LY6G6F: variants seen among roughly 807,000 people sequenced by gnomAD.
The protein encoded by LY6G6F is lymphocyte antigen 6 family member G6F, also known as lymphocyte antigen 6 complex locus protein G6f.
A neutral mutation model predicts 33.0 loss-of-function variants in LY6G6F; 26 were observed. That is an observed-to-expected ratio of 0.79 (90% CI 0.58 to 1.09). The LOEUF (loss-of-function observed/expected upper bound fraction) is 1.09. Ranked by LOEUF, LY6G6F falls within the 50% of genes least tolerant of loss-of-function variation. The pLI is 0.00. For missense variants in LY6G6F, 317 were observed against 372.0 expected (o/e 0.85, Z 1.22); for synonymous variants, 132 against 148.1 (o/e 0.89, Z 0.79).
rs145511375 is a variant in LY6G6F at position 31,707,243 on chromosome 6, C to T, written c.53-215C>T. ...AACTTTCAGCCTTTTCCCTCTTGCC[C>T]TCAGACCCCCTCACTGGCTGGGGGA... On this transcript the variant is annotated intron_variant, in intron 1 of 5. Transcript: ENST00000375832. The surrounding 1 kb of genome is among the most constrained non-coding windows in gnomAD (Gnocchi z 4.1). Among the ~76,000 whole-genome samples the T allele has an allele frequency of 6.6e-6, 1 of 152,302 alleles. No homozygotes were observed. The highest frequency in any genetic ancestry group is 1.5e-5 in the Non-Finnish European group (1 of 68,022).
rs1460841894 is a variant in LY6G6F, at chr6:31,707,166, G to A, written c.52+208G>A. 6.6e-6 allele frequency among the ~76,000 whole-genome samples: 1 copy of A among 152,234 alleles called. No homozygotes were observed. The highest frequency in any genetic ancestry group is 1.5e-5 in the Non-Finnish European group (1 of 68,042). ...TTCCTTTATAAAATAAGAAGAATGA[G>A]TAAATGCTTCCAGAAAAGTAGAAAT... is the stretch of plus-strand genomic sequence containing the variant. On this transcript the variant is annotated intron_variant, in intron 1 of 5. Coordinates refer to ENST00000375832, the MANE Select transcript of LY6G6F (RefSeq NM_001003693.3). The surrounding 1 kb of genome is among the most constrained non-coding windows in gnomAD (Gnocchi z 4.1).
Position 31,707,734 on chromosome 6 carries a change from G to A in LY6G6F, c.329G>A (p.Gly110Asp). 1 of 1,614,202 alleles carries A rather than the reference G, an allele frequency of 6.2e-7. No individual in the cohort carries two copies. Among genetic ancestry groups the A allele is most frequent in the Non-Finnish European group, 8.5e-7 (1 of 1,180,024 alleles). Reference protein sequence around the residue: ...DAGRYWCAVLGQHHNYQNWRV... With the variant: ...DAGRYWCAVLDQHHNYQNWRV... ...GGGCGGTACTGGTGCGCTGTGCTAG[G>A]TCAGCACCACAACTACCAGAACTGG... is the stretch of plus-strand genomic sequence containing the variant. Residue 110 changes from glycine to aspartate, a missense_variant, in exon 2 of 6, where the codon GGT becomes GAT. Coordinates refer to ENST00000375832, the MANE Select transcript of LY6G6F (RefSeq NM_001003693.3). The surrounding 1 kb of genome is among the most constrained non-coding windows in gnomAD (Gnocchi z 4.1).
rs894837085 is a variant in LY6G6F at position 31,707,585 on chromosome 6, C to G, written c.180C>G (p.Thr60=). Residue 60 remains threonine (T), a synonymous_variant, in exon 2 of 6, where the codon ACC becomes ACG. Coordinates refer to ENST00000375832, the MANE Select transcript of LY6G6F (RefSeq NM_001003693.3). This position sits in a 1 kb window ranked among gnomAD's most constrained non-coding sequence, Gnocchi z 4.1. ...FCSPAAGSFT[T]LVAQVQVGRP... The stretch of plus-strand genomic sequence containing the variant: ...GCCCTGCAGCAGGCTCCTTCACCAC[C>G]CTGGTAGCCCAAGTCCAAGTGGGCA... The G allele has an allele frequency of 1.2e-6, 2 of 1,613,936 alleles. No individual in the cohort carries two copies. Among genetic ancestry groups the G allele is most frequent in the Non-Finnish European group, 1.7e-6 (2 of 1,179,914 alleles).
rs1322206979 is a variant in LY6G6F, at chr6:31,710,190, C to T, written c.802+9C>T. 5 of 1,609,354 alleles carry T rather than the reference C, an allele frequency of 3.1e-6. No homozygotes were observed. The highest frequency in any genetic ancestry group is 4.2e-6 in the Non-Finnish European group (5 of 1,177,310). On this transcript the variant is annotated intron_variant, in intron 4 of 5. Coordinates refer to ENST00000375832, the MANE Select transcript of LY6G6F (RefSeq NM_001003693.3). This position sits in a 1 kb window ranked among gnomAD's most constrained non-coding sequence, Gnocchi z 4.7. Reference sequence around the variant, plus strand: ...TGGGGCTCCAGGCAGAGGTGAGTCCCTCCCTCCCCGGGGAAAGAAGAGGGC... The same window carrying T: ...TGGGGCTCCAGGCAGAGGTGAGTCCTTCCCTCCCCGGGGAAAGAAGAGGGC...
At chr6:31,709,953 C>G (rs1805903151) in intron 3 of LY6G6F, 73 bp from the exon 4 acceptor site, 1 of 1,470,112 alleles carries the variant, frequency 6.8e-7, no homozygotes, top group Non-Finnish European at 9.2e-7. Context: ...GGAGGGGAAG[C>G]CTCTCTTTGG....
chr6:31,710,436 A>C lies in LY6G6F; in HGVS notation c.869+18A>C. 1 of 1,614,148 alleles carries C rather than the reference A, an allele frequency of 6.2e-7. No individual in the cohort carries two copies. Among genetic ancestry groups the C allele is most frequent in the Non-Finnish European group, 8.5e-7 (1 of 1,180,006 alleles). On this transcript the variant is annotated intron_variant, in intron 5 of 5. Coordinates refer to ENST00000375832, the MANE Select transcript of LY6G6F (RefSeq NM_001003693.3). This position sits in a 1 kb window ranked among gnomAD's most constrained non-coding sequence, Gnocchi z 4.7. Reference sequence around the variant, plus strand: ...CGTCTTGGGTGAGGAACAGCTAGGGAACAGAGGCTTAAATCCTGGAGGGGA... The same window carrying C: ...CGTCTTGGGTGAGGAACAGCTAGGGCACAGAGGCTTAAATCCTGGAGGGGA...
chr6:31,708,450 G>A (rs931781236), intron 3 of LY6G6F, among the ~76,000 whole-genome samples: 31 of 152,140 alleles, frequency 2.0e-4, no homozygotes, highest in African/African-American at 7.2e-4. Flanking sequence ...GTCTCCCAAA[G>A]TGCTGGGGTT....
At chr6:31,708,195 A>AG in intron 3 of LY6G6F, 61 bp downstream of exon 3, 1 of 1,498,812 alleles carries the variant, frequency 6.7e-7, no homozygotes. Context: ...AAGTAGCTGG[A>AG]ATTACAGGCG....
At position 31,707,292 on chromosome 6, in the gene LY6G6F, C is replaced by T. The variant is rs1163672837; in HGVS notation, c.53-166C>T. Reference sequence around the variant, plus strand: ...GAGAGAGGAGGAAAGCCCTTACCCTCTTCTCTCCACCTGTCTTATTTTTGT... The same window carrying T: ...GAGAGAGGAGGAAAGCCCTTACCCTTTTCTCTCCACCTGTCTTATTTTTGT... On this transcript the variant is annotated intron_variant, in intron 1 of 5. Coordinates refer to ENST00000375832, the MANE Select transcript of LY6G6F (RefSeq NM_001003693.3). This position sits in a 1 kb window ranked among gnomAD's most constrained non-coding sequence, Gnocchi z 4.1. Among the ~76,000 whole-genome samples, 1 of 152,236 alleles carries T rather than the reference C, an allele frequency of 6.6e-6. No individual in the cohort carries two copies. The highest frequency in any genetic ancestry group is 1.5e-5 in the Non-Finnish European group (1 of 68,044).
chr6:31,707,369 C>T lies in LY6G6F; in HGVS notation c.53-89C>T. The T allele has an allele frequency of 1.6e-6, 2 of 1,257,770 alleles. No homozygotes were observed. Among genetic ancestry groups the T allele is most frequent in the South Asian group, 2.8e-5 (2 of 72,650 alleles). The allele number at this position is 1,257,770 out of a possible 1,614,324, so 77.9% of individuals were successfully genotyped here. A position where few individuals can be genotyped will look rare whatever the true frequency, so the allele number is the denominator to read the frequency against. On this transcript the variant is annotated intron_variant, in intron 1 of 5. Transcript: ENST00000375832. This position sits in a 1 kb window ranked among gnomAD's most constrained non-coding sequence, Gnocchi z 4.1. Reference sequence around the variant, plus strand: ...CAGCCAGGCCTGTGCTGGGGGACCCCAGAAGGGAAGGAAGCCAGGGTTGAA... The same window carrying T: ...CAGCCAGGCCTGTGCTGGGGGACCCTAGAAGGGAAGGAAGCCAGGGTTGAA...
chr6:31,707,024 C>A lies in LY6G6F; in HGVS notation c.52+66C>A. Reference sequence around the variant, plus strand: ...GGTTGGGGAGGGACTACTGCTCTTTCTCCTAGGAGCCTGGCGAAGGCATCT... The same window carrying A: ...GGTTGGGGAGGGACTACTGCTCTTTATCCTAGGAGCCTGGCGAAGGCATCT... On this transcript the variant is annotated intron_variant, in intron 1 of 5. Transcript: ENST00000375832. The surrounding 1 kb of genome is among the most constrained non-coding windows in gnomAD (Gnocchi z 4.1). 2 of 1,529,244 alleles carry A rather than the reference C, an allele frequency of 1.3e-6. No homozygotes were observed. The highest frequency in any genetic ancestry group is 1.8e-6 in the Non-Finnish European group (2 of 1,102,978). 94.7% of individuals were successfully genotyped at this position (1,529,244 alleles called of 1,614,324 possible). A position where few individuals can be genotyped will look rare whatever the true frequency, so the allele number is the denominator to read the frequency against.
In LY6G6F at chr6:31,707,908, C is replaced by T. The variant is rs1224148942; in HGVS notation, c.420C>T (p.Pro140=). The T allele has an allele frequency of 6.2e-7, 1 of 1,613,554 alleles. No individual in the cohort carries two copies. The highest frequency in any genetic ancestry group is 8.5e-7 in the Non-Finnish European group (1 of 1,179,972). The part of the protein sequence containing the change: ...QLSARAADGS[P]CNVLLCSVVP... ...CTGCAAGGGCTGCAGATGGATCCCC[C>T]TGCAATGTCCTCCTGTGCTCTGTGG... Residue 140 remains proline, a synonymous_variant, in exon 3 of 6, where the codon CCC becomes CCT. Coordinates refer to ENST00000375832, the MANE Select transcript of LY6G6F (RefSeq NM_001003693.3). This position sits in a 1 kb window ranked among gnomAD's most constrained non-coding sequence, Gnocchi z 4.1.
At position 31,707,978 on chromosome 6, in the gene LY6G6F, G is replaced by C. The variant is rs750378885; in HGVS notation, c.490G>C (p.Gly164Arg). ...MDSVTWQEGK[G>R]PVRGRVQSFW... ...CTCTGTGACCTGGCAGGAAGGGAAG[G>C]GTCCCGTGAGGGGCCGTGTTCAGTC... Residue 164 changes from glycine (G) to arginine (R), a missense_variant, in exon 3 of 6, where the codon GGT becomes CGT. Transcript: ENST00000375832. This position sits in a 1 kb window ranked among gnomAD's most constrained non-coding sequence, Gnocchi z 4.1. The C allele has an allele frequency of 6.2e-7, 1 of 1,613,112 alleles. No individual in the cohort carries two copies. The highest frequency in any genetic ancestry group is 1.3e-5 in the African/African-American group (1 of 75,046).
chr6:31,710,586 A>G lies in LY6G6F; in HGVS notation c.889A>G (p.Arg297Gly). The change falls in exon 6 of 6, where the codon AGG (arginine) becomes GGG (glycine). Residue 297 changes from arginine (R) to glycine (G), a missense_variant. Transcript: ENST00000375832. The surrounding 1 kb of genome is among the most constrained non-coding windows in gnomAD (Gnocchi z 4.7). ...ARLGPPAHKPR is the reference protein window; with the variant it reads ...ARLGPPAHKPG The stretch of plus-strand genomic sequence containing the variant: ...CCACAGCCCACCTGCCCACAAGCCC[A>G]GGTGATTTTGGTGACATCTGCTGGG... The G allele has an allele frequency of 3.1e-6, 5 of 1,614,098 alleles. No homozygotes were observed. Among genetic ancestry groups the G allele is most frequent in the Non-Finnish European group, 4.2e-6 (5 of 1,180,014 alleles).
Position 31,706,901 on chromosome 6 carries a change from C to G in LY6G6F, c.-6C>G. The G allele has an allele frequency of 6.2e-7, 1 of 1,614,130 alleles. No homozygotes were observed. The highest frequency in any genetic ancestry group is 8.5e-7 in the Non-Finnish European group (1 of 1,180,010). On this transcript the variant is annotated 5_prime_UTR_variant, in exon 1 of 6. Transcript: ENST00000375832. ...TTGGAGCAAGAGAACTTGGCAGGCT[C>G]TCCCCATGGCAGTCTTATTCCTCCT...
chr6:31,710,031 A>G lies in LY6G6F; in HGVS notation c.652A>G (p.Ile218Val). 6.2e-7 allele frequency: 1 copy of G among 1,612,046 alleles called. No individual in the cohort carries two copies. The highest frequency in any genetic ancestry group is 8.5e-7 in the Non-Finnish European group (1 of 1,179,452). ...TGGTCTGGCCCTTACTACAGCCTCC[A>G]TCGATGCTTCTCCTGCCCTCTGTGC... ...KGVSFSLAAS[I>V]DASPALCAPS... The change falls in exon 4 of 6, where the codon ATC becomes GTC. Residue 218 changes from isoleucine to valine, a missense_variant. Transcript: ENST00000375832. The surrounding 1 kb of genome is among the most constrained non-coding windows in gnomAD (Gnocchi z 4.7).
Position 31,710,302 on chromosome 6 carries a change from A to G in LY6G6F, c.803-50A>G. The G allele has an allele frequency of 6.2e-7, 1 of 1,613,114 alleles. No individual in the cohort carries two copies. The highest frequency in any genetic ancestry group is 1.1e-5 in the South Asian group (1 of 91,076). On this transcript the variant is annotated intron_variant, in intron 4 of 5. Transcript: ENST00000375832. The surrounding 1 kb of genome is among the most constrained non-coding windows in gnomAD (Gnocchi z 4.7). Reference sequence around the variant, plus strand: ...GGAGGGGGCGAGGAACACGGCTCTAAGTTGTCTGCTGACTTCTCTTCTGTA... The same window carrying G: ...GGAGGGGGCGAGGAACACGGCTCTAGGTTGTCTGCTGACTTCTCTTCTGTA...
chr6:31,708,179 C>T (rs1751866951), intron 3 of LY6G6F, 45 bp downstream of exon 3: 2 of 1,503,958 alleles, frequency 1.3e-6, no homozygotes, highest in African/African-American at 1.4e-5. Flanking sequence ...TTCACTTCAG[C>T]CTCCCAAGTA....
Position 31,706,956 on chromosome 6 carries a change from C to G in LY6G6F, c.50C>G (p.Ala17Gly). ...TTCCTATGTGGAACTCCCCAGGCTG[C>G]AGGTAAGGGGCAAGAGGTACGGGAT... ...LLFLCGTPQA[A>G]DNMQAIYVAL... The change falls in exon 1 of 6, where the codon GCA (alanine) becomes GGA (glycine). Residue 17 changes from alanine to glycine, a missense_variant and splice_region_variant. Coordinates refer to ENST00000375832, the MANE Select transcript of LY6G6F (RefSeq NM_001003693.3). 6.2e-7 allele frequency: 1 copy of G among 1,614,016 alleles called. No individual in the cohort carries two copies.
Sources: gnomAD v4.1 joint callset for allele counts (sites outside exome capture counted in the v4.1 genomes callset) on GRCh38, gnomAD v4.1.1 for gene constraint, Gnocchi (gnomAD v3.1) non-coding constraint, MANE v1.5 for transcripts, NCBI Gene and HGNC (gene_info 2026-07-23, HGNC 2026-07-21) for gene names.